The following AIG1 variants were observed in gnomAD, a reference collection of about 807,000 sequenced individuals.
AIG1 encodes androgen induced 1, also known as androgen-induced gene 1 protein.
AIG1 carries 23 observed loss-of-function variants against 31.4 expected under a neutral mutation model. The observed-to-expected ratio is 0.73, with a 90% CI of 0.53 to 1.04. AIG1 has a LOEUF of 1.04. AIG1 is among the 50% of genes least tolerant of loss of function. The pLI, the probability that AIG1 is intolerant of heterozygous loss-of-function variation, is 0.00. For synonymous variants in AIG1, 100 were observed against 110.5 expected (o/e 0.90, Z 0.60); for missense variants, 274 against 295.0 (o/e 0.93, Z 0.52).
downstream of AIG1, among the ~76,000 whole-genome samples, chr6:143,341,864 A>G (rs1460448661): frequency 6.6e-6 from 1 of 152,240 alleles, no homozygotes; most frequent in African/African-American, 2.4e-5. Flanking sequence ...CAGTGTTTCC[A>G]GAAGTCTTTT....
chr6:143,063,540 C>A (rs1320536392), intron 1 of AIG1, among the ~76,000 whole-genome samples: 2 of 152,174 alleles, frequency 1.3e-5, no homozygotes, highest in African/African-American at 4.8e-5. Context: ...ACCTGTCAAT[C>A]CTCAGTAATG....
chr6:143,284,040 A>G lies in AIG1; in HGVS notation c.400-70A>G. ...AGGAATTTATAGTGTGCATTCTCCTACTGGTGAAAAAACAACTATAGAGAG... is the reference window on the plus strand; with the variant it reads ...AGGAATTTATAGTGTGCATTCTCCTGCTGGTGAAAAAACAACTATAGAGAG... On this transcript the variant is annotated intron_variant, in intron 3 of 5. Transcript: ENST00000357847. The surrounding 1 kb of genome is among the most constrained non-coding windows in gnomAD (Gnocchi z 4.4). 1 of 1,120,426 alleles carries G rather than the reference A, an allele frequency of 8.9e-7. No individual in the cohort carries two copies. The highest frequency in any genetic ancestry group is 1.3e-6 in the Non-Finnish European group (1 of 751,504). The allele number at this position is 1,120,426 out of a possible 1,614,324, so 69.4% of individuals were successfully genotyped here.
intron 3 of AIG1, among the ~76,000 whole-genome samples, chr6:143,272,092 A>G (rs1420248436): frequency 5.3e-5 from 8 of 151,922 alleles, no homozygotes; most frequent in Non-Finnish European, 5.9e-5. Flanking sequence ...TTACTACTCT[A>G]TTTCTATACT....
At chr6:143,192,965 G>A (rs931657238) in intron 3 of AIG1, among the ~76,000 whole-genome samples, 1 of 152,174 alleles carries the variant, frequency 6.6e-6, no homozygotes, top group African/African-American at 2.4e-5. Flanking sequence ...GTAGCCCTGA[G>A]GGGGAGGAAT....
intron 3 of AIG1, among the ~76,000 whole-genome samples, chr6:143,171,744 A>G (rs969238029): frequency 2.6e-5 from 4 of 151,294 alleles, no homozygotes; most frequent in African/African-American, 9.7e-5. Context: ...TTGTTATTTT[A>G]GGAAACTCCA....
chr6:143,189,469 G>A (rs1470772331), intron 3 of AIG1: 4 of 983,978 alleles, frequency 4.1e-6, no homozygotes, highest in African/African-American at 3.5e-5. Context: ...ATTATATATT[G>A]AAATCAAGCT....
chr6:143,216,593 G>A (rs191442462), intron 3 of AIG1, among the ~76,000 whole-genome samples: 3 of 152,314 alleles, frequency 2.0e-5, no homozygotes, highest in African/African-American at 7.2e-5. Context: ...ACTTGTTGCT[G>A]CTAGGATGTC....
downstream of AIG1, chr6:143,342,215 G>T (rs1562611107): frequency 9.0e-6 from 6 of 664,656 alleles, no homozygotes; most frequent in South Asian, 6.1e-5. Flanking sequence ...GAGCCATTGC[G>T]CCCGTCCTAA....
At chr6:143,281,092 A>C (rs529738598) in intron 3 of AIG1, among the ~76,000 whole-genome samples, 96 of 152,352 alleles carry the variant, frequency 6.3e-4, no homozygotes, top group African/African-American at 2.1e-3. Context: ...TTATTGATTC[A>C]AACATTATTC....
At chr6:143,226,446 G>A (rs1425362897) in intron 3 of AIG1, among the ~76,000 whole-genome samples, 3 of 151,372 alleles carry the variant, frequency 2.0e-5, no homozygotes, top group East Asian at 1.9e-4. Flanking sequence ...GGGTTTCACC[G>A]TGTTGGCCAG....
chr6:143,141,688 T>A (rs1449759721), intron 2 of AIG1, among the ~76,000 whole-genome samples: 1 of 152,222 alleles, frequency 6.6e-6, no homozygotes, highest in Non-Finnish European at 1.5e-5. Flanking sequence ...CTTCTTACCA[T>A]GTGCAGTTTA....
chr6:143,266,792 T>C (rs1450641255), intron 3 of AIG1, among the ~76,000 whole-genome samples: 2 of 151,658 alleles, frequency 1.3e-5, no homozygotes, highest in Non-Finnish European at 2.9e-5. Context: ...AAAAATAAAT[T>C]AGCTGGGCAT....
At position 143,196,350 on chromosome 6, in the gene AIG1, AACACACACAC is replaced by A. The variant is rs71784011; in HGVS notation, c.399+31204_399+31213del. ...TCAGCACATCAAAAGCAACAAAAGC[AACACACACAC>A]ACACACACACACACACACACACACA... On this transcript the variant is annotated intron_variant, in intron 3 of 5. Transcript: ENST00000357847. Among the ~76,000 whole-genome samples the A allele has an allele frequency of 2.4e-3, 339 of 141,662 alleles. 1 individual carries two copies. Among genetic ancestry groups the A allele is most frequent in the Middle Eastern group, 6.9e-3 (2 of 288 alleles). 92.9% of individuals were successfully genotyped at this position (141,662 alleles called of 152,430 possible).
intron 1 of AIG1, among the ~76,000 whole-genome samples, chr6:143,067,127 C>T (rs1293890032): frequency 1.3e-5 from 2 of 152,038 alleles, no homozygotes; most frequent in Non-Finnish European, 2.9e-5. Flanking sequence ...GATAGTGCCA[C>T]TGCACTCCAG....
chr6:143,323,994 A>C (rs1272040708), intron 4 of AIG1, among the ~76,000 whole-genome samples: 1 of 152,224 alleles, frequency 6.6e-6, no homozygotes, highest in Non-Finnish European at 1.5e-5. Context: ...CCAAAAGTCA[A>C]ACCTGTCCTT....
upstream of AIG1, among the ~76,000 whole-genome samples, chr6:143,059,837 C>A (rs546288363): frequency 3.3e-5 from 5 of 152,312 alleles, no homozygotes; most frequent in South Asian, 4.1e-4. Context: ...TCCGAACCTG[C>A]AACTGGTTGG....
chr6:143,141,329 C>T (rs1001767200), intron 2 of AIG1, among the ~76,000 whole-genome samples: 4 of 152,092 alleles, frequency 2.6e-5, no homozygotes, highest in Admixed American at 2.0e-4. Context: ...CCTCCAGTAA[C>T]GAGGTTAATT....
intron 2 of AIG1, 32 bp from the exon 3 acceptor site, chr6:143,165,048 GAA>G: frequency 6.8e-7 from 1 of 1,472,748 alleles, no homozygotes; most frequent in East Asian, 2.3e-5. Context: ...GATAGTCGAT[GAA>G]CTTGAAATAA....
chr6:143,316,685 G>T (rs1207424284), intron 4 of AIG1, among the ~76,000 whole-genome samples: 1 of 150,668 alleles, frequency 6.6e-6, no homozygotes. Flanking sequence ...AACAAACAAA[G>T]AAAAAAAATA....
Sources: allele counts gnomAD v4.1 joint callset (sites outside exome capture counted in the v4.1 genomes callset), GRCh38; gene constraint gnomAD v4.1.1; non-coding constraint Gnocchi (gnomAD v3.1); transcripts MANE v1.5; gene names NCBI Gene and HGNC (gene_info 2026-07-23, HGNC 2026-07-21).